Variants in UMODL1 observed in about 807,000 individuals in gnomAD.
The protein encoded by UMODL1 is uromodulin-like 1.
UMODL1 carries 128 observed loss-of-function variants against 136.3 expected under a neutral mutation model. The observed-to-expected ratio is 0.94, with a 90% CI of 0.81 to 1.09. The LOEUF (loss-of-function observed/expected upper bound fraction) is 1.09, where lower values mean the gene tolerates loss of function less well. Among genes scored for constraint, UMODL1 ranks in the 50% least tolerant of loss-of-function variants. UMODL1 has a pLI of 0.00. For missense variants in UMODL1, 1,766 were observed against 1,725.6 expected (o/e 1.02, Z -0.41); for synonymous variants, 721 against 720.0 (o/e 1.00, Z -0.02).
upstream of UMODL1, among the ~76,000 whole-genome samples, chr21:42,070,376 A>G (rs2066219028): frequency 6.6e-6 from 1 of 152,246 alleles, no homozygotes; most frequent in South Asian, 2.1e-4. Flanking sequence ...ATGAGCTAGA[A>G]AGAACTTAAC....
At chr21:42,106,977 G>T (rs1306439261) in intron 9 of UMODL1, among the ~76,000 whole-genome samples, 1 of 152,180 alleles carries the variant, frequency 6.6e-6, no homozygotes, top group Non-Finnish European at 1.5e-5. Flanking sequence ...CCAGCGTTCA[G>T]GGCTAACTCT....
intron 6 of UMODL1, chr21:42,093,647 C>G (rs373526863): frequency 7.3e-6 from 2 of 272,150 alleles, no homozygotes; most frequent in East Asian, 2.2e-4. Flanking sequence ...AGGAACGTTC[C>G]CCTCCTATCA....
In UMODL1 at chr21:42,142,935, A is replaced by G. The variant is rs971483430; in HGVS notation, c.*861A>G. 9 of 152,344 alleles carry G rather than the reference A, an allele frequency of 5.9e-5. No individual in the cohort carries two copies. The highest frequency in any genetic ancestry group is 2.2e-4 in the African/African-American group (9 of 41,578). 9.4% of individuals were successfully genotyped at this position (152,344 alleles called of 1,614,324 possible). On this transcript the variant is annotated 3_prime_UTR_variant, in exon 23 of 23. Transcript: ENST00000408910. ...AGTCTAGAATTTTCTCCATTACATCATCCTAAGAGATAATGCTCTGTACTT... is the reference window on the plus strand; with the variant it reads ...AGTCTAGAATTTTCTCCATTACATCGTCCTAAGAGATAATGCTCTGTACTT...
At position 42,111,565 on chromosome 21, in the gene UMODL1, C is replaced by T. The variant is rs201648916; in HGVS notation, c.1959C>T (p.Thr653=). 1.6e-4 allele frequency: 251 copies of T among 1,614,140 alleles called. 1 individual carries two copies. Among genetic ancestry groups the T allele is most frequent in the Middle Eastern group, 6.6e-4 (4 of 6,060 alleles). Residue 653 remains threonine, a synonymous_variant, in exon 12 of 23, where the codon ACC becomes ACT. Transcript: ENST00000408910. ...PSWPSPTEDP[T]GHFLWHATRS... ...GGCCTTCCCCTACTGAGGACCCCAC[C>T]GGCCACTTCCTGTGGCATGCCACCC...
upstream of UMODL1, among the ~76,000 whole-genome samples, chr21:42,067,480 C>T (rs979207764): frequency 1.3e-5 from 2 of 152,226 alleles, no homozygotes; most frequent in African/African-American, 2.4e-5. Flanking sequence ...TTTAGGAAAC[C>T]GAGGCACTGA....
intron 2 of UMODL1, among the ~76,000 whole-genome samples, chr21:42,082,629 C>T (rs961642796): frequency 6.6e-6 from 1 of 152,204 alleles, no homozygotes; most frequent in African/African-American, 2.4e-5. Context: ...GTGTCCTCCT[C>T]ATGGCTGCCC....
rs1180686106 is a variant in UMODL1 at position 42,142,840 on chromosome 21, GC to G, written c.*768del. ...CATTACACAATGAGAAACCAGAGGA[GC>G]CGATGAGTTACTTAATTGAGGTCAC... On this transcript the variant is annotated 3_prime_UTR_variant, in exon 23 of 23. Coordinates refer to ENST00000408910, the MANE Select transcript of UMODL1 (RefSeq NM_001004416.3). The G allele has an allele frequency of 6.6e-6, 1 of 152,182 alleles. No individual in the cohort carries two copies. The highest frequency in any genetic ancestry group is 1.5e-5 in the Non-Finnish European group (1 of 68,036). The allele number at this position is 152,182 out of a possible 1,614,324, so 9.4% of individuals were successfully genotyped here.
chr21:42,134,027 C>G (rs894233755), intron 21 of UMODL1, among the ~76,000 whole-genome samples: 3 of 152,216 alleles, frequency 2.0e-5, no homozygotes, highest in African/African-American at 7.2e-5. Flanking sequence ...AAGCGATTCT[C>G]CTGTCTCGGC....
intron 10 of UMODL1, 103 bp downstream of exon 10, chr21:42,109,802 G>A: frequency 1.6e-6 from 2 of 1,258,532 alleles, no homozygotes; most frequent in Non-Finnish European, 2.2e-6. Flanking sequence ...GAGGACCTAT[G>A]GTAATGTTAG....
intron 22 of UMODL1, among the ~76,000 whole-genome samples, chr21:42,138,727 C>T (rs758512444): frequency 6.6e-6 from 1 of 152,104 alleles, no homozygotes; most frequent in Non-Finnish European, 1.5e-5. Flanking sequence ...AGGCATGCGC[C>T]ACCACACCCA....
At chr21:42,065,048 A>G (rs902380328) in intron 1 of UMODL1, among the ~76,000 whole-genome samples, 5 of 152,142 alleles carry the variant, frequency 3.3e-5, no homozygotes, top group Non-Finnish European at 5.9e-5. Flanking sequence ...CCTCTTAAAC[A>G]TTAAAGCCTG....
At chr21:42,132,526 T>TCATC (rs1196236382) in intron 21 of UMODL1, among the ~76,000 whole-genome samples, 2 of 151,540 alleles carry the variant, frequency 1.3e-5, no homozygotes, top group Non-Finnish European at 2.9e-5. Flanking sequence ...ATCCCTTCAT[T>TCATC]CATCCATCCA....
intron 11 of UMODL1, 27 bp downstream of exon 11, chr21:42,111,148 G>A (rs1316773909): frequency 1.3e-6 from 2 of 1,592,986 alleles, no homozygotes; most frequent in Non-Finnish European, 8.5e-7. Flanking sequence ...CGGGTCTGGG[G>A]ATGGACCAGG....
At chr21:42,071,954 G>T (rs948646140) in intron 1 of UMODL1, among the ~76,000 whole-genome samples, 1 of 151,952 alleles carries the variant, frequency 6.6e-6, no homozygotes, top group African/African-American at 2.4e-5. Flanking sequence ...AGGCTGGGAT[G>T]GGAGGATCAC....
intron 6 of UMODL1, among the ~76,000 whole-genome samples, chr21:42,091,038 T>G (rs2066485748): frequency 6.6e-6 from 1 of 152,220 alleles, no homozygotes; most frequent in Non-Finnish European, 1.5e-5. Flanking sequence ...GGACTCTTCT[T>G]GCCAAGAGGG....
intron 2 of UMODL1, among the ~76,000 whole-genome samples, chr21:42,078,004 C>G (rs145071970): frequency 1.3e-5 from 2 of 152,314 alleles, no homozygotes; most frequent in South Asian, 4.1e-4. Context: ...AGAGTTGATG[C>G]GTTTCTGTTG....
Position 42,076,145 on chromosome 21 carries a change from A to C in UMODL1, c.217A>C (p.Met73Leu). ...GATCCCCTGGAGGCGGTGCCCTAAG[A>C]TGGTTTACCGGACACAGTACCTGGT... is the stretch of plus-strand genomic sequence containing the variant. ...GWIPWRRCPK[M>L]VYRTQYLVVE... The change falls in exon 2 of 23, where the codon ATG becomes CTG. Residue 73 changes from methionine to leucine, a missense_variant. Met to Leu is a conservative substitution (Grantham distance 15). Coordinates refer to ENST00000408910, the MANE Select transcript of UMODL1 (RefSeq NM_001004416.3). 1 of 1,614,126 alleles carries C rather than the reference A, an allele frequency of 6.2e-7. No homozygotes were observed. The highest frequency in any genetic ancestry group is 8.5e-7 in the Non-Finnish European group (1 of 1,180,016).
chr21:42,097,484 C>A (rs59945925), intron 6 of UMODL1, among the ~76,000 whole-genome samples: 13,265 of 152,026 alleles, frequency 0.087, 1,076 homozygotes, highest in African/African-American at 0.22. Flanking sequence ...AGCCAAGGCG[C>A]AAAGGGAAAT....
At chr21:42,109,432 C>T (rs2066782883) in intron 9 of UMODL1, 130 bp from the exon 10 acceptor site, 4 of 1,255,336 alleles carry the variant, frequency 3.2e-6, no homozygotes, top group Admixed American at 4.1e-5. Context: ...GGACGGATGC[C>T]CCAAAATGCC....
Sources: allele counts gnomAD v4.1 joint callset (sites outside exome capture counted in the v4.1 genomes callset), GRCh38; gene constraint gnomAD v4.1.1; transcripts MANE v1.5; gene names NCBI Gene and HGNC (gene_info 2026-07-23, HGNC 2026-07-21).